Variants in PTPRZ1 observed in about 807,000 individuals in gnomAD.
PTPRZ1 encodes receptor-type tyrosine-protein phosphatase zeta.
In PTPRZ1, 82 loss-of-function variants were observed where a neutral mutation model predicts 214.1. That is an observed-to-expected ratio of 0.38 (90% CI 0.32 to 0.46). PTPRZ1 has a LOEUF of 0.46. Ranked by LOEUF, PTPRZ1 falls within the 20% of genes least tolerant of loss-of-function variation. PTPRZ1 has a pLI of 1.00. For synonymous variants in PTPRZ1, 945 were observed against 987.9 expected, an observed-to-expected ratio of 0.96 and a Z score of 0.81; for missense variants, 2,603 against 2,748.7, an observed-to-expected ratio of 0.95 and a Z score of 1.19.
intron 12 of PTPRZ1, 100 bp from the exon 13 acceptor site, chr7:122,019,024 G>A (rs1798932246): frequency 8.7e-7 from 1 of 1,149,004 alleles, no homozygotes; most frequent in African/African-American, 1.6e-5. Flanking sequence ...AAATTTTAAA[G>A]GTAAGTAACA....
rs372977594 is a variant in PTPRZ1, at chr7:121,998,051, G to T, written c.1240+45G>T. 7.3e-5 allele frequency: 115 copies of T among 1,575,472 alleles called. 1 individual carries two copies. The South Asian group carries it at 1.1e-3, about 15-fold the overall frequency. On this transcript the variant is annotated intron_variant, in intron 10 of 29. Coordinates refer to ENST00000393386, the MANE Select transcript of PTPRZ1 (RefSeq NM_002851.3). ...TCTATATATTAACTCAATAAATGAG[G>T]TTAGTTTAATTACTGTATGCATTGA...
At chr7:122,039,382 A>T in intron 19 of PTPRZ1, 72 bp from the exon 20 acceptor site, 1 of 1,520,164 alleles carries the variant, frequency 6.6e-7, no homozygotes. Context: ...TCAGACCTTT[A>T]CTGATTTCAG....
At chr7:121,988,202 T>G in intron 8 of PTPRZ1, among the ~76,000 whole-genome samples, 1 of 152,230 alleles carries the variant, frequency 6.6e-6, no homozygotes. Flanking sequence ...TAAATATTTT[T>G]TAAAAGGGGC....
At chr7:122,007,629 T>A (rs993795635) in intron 11 of PTPRZ1, among the ~76,000 whole-genome samples, 4 of 152,068 alleles carry the variant, frequency 2.6e-5, no homozygotes, top group African/African-American at 9.7e-5. Context: ...TGACTTTTAA[T>A]CCCTGAATAT....
intron 13 of PTPRZ1, among the ~76,000 whole-genome samples, chr7:122,026,108 A>G (rs1326002145): frequency 5.3e-5 from 8 of 152,182 alleles, no homozygotes; most frequent in Admixed American, 5.2e-4. Context: ...TTTGAGTACC[A>G]TTTGTAAATA....
At chr7:121,926,842 G>C (rs979702945) in intron 1 of PTPRZ1, among the ~76,000 whole-genome samples, 1 of 152,102 alleles carries the variant, frequency 6.6e-6, no homozygotes, top group African/African-American at 2.4e-5. Context: ...ATAGATTTAT[G>C]TTGAAATGTC....
At chr7:122,029,648 A>G (rs1283449887) in intron 14 of PTPRZ1, among the ~76,000 whole-genome samples, 1 of 151,948 alleles carries the variant, frequency 6.6e-6, no homozygotes, top group Admixed American at 6.6e-5. Flanking sequence ...CAAGTTCTAC[A>G]GGATGTTATC....
At chr7:121,957,822 A>G (rs1393038326) in intron 2 of PTPRZ1, among the ~76,000 whole-genome samples, 1 of 152,206 alleles carries the variant, frequency 6.6e-6, no homozygotes, top group East Asian at 1.9e-4. Flanking sequence ...AAACAGAAAT[A>G]CTAGGGCATG....
At chr7:121,947,533 C>T (rs1260497446) in intron 2 of PTPRZ1, among the ~76,000 whole-genome samples, 5 of 152,094 alleles carry the variant, frequency 3.3e-5, no homozygotes, top group Non-Finnish European at 7.4e-5. Flanking sequence ...AATTGAAAAA[C>T]AAAGATAAAT....
At chr7:122,010,240 G>T in intron 11 of PTPRZ1, 94 bp from the exon 12 acceptor site, 1 of 1,253,898 alleles carries the variant, frequency 8.0e-7, no homozygotes, top group South Asian at 1.5e-5. Flanking sequence ...AAGTTCCCAA[G>T]ATACCACAAG....
At position 122,058,829 on chromosome 7, in the gene PTPRZ1, T is replaced by A. The variant is rs939288668; in HGVS notation, c.6558T>A (p.Phe2186Leu). Reference sequence around the variant, plus strand: ...ATTATGTACTTGAAGTGAGGCACTTTCAGTGTCCTAAATGGCCAAATCCAG... The same window carrying A: ...ATTATGTACTTGAAGTGAGGCACTTACAGTGTCCTAAATGGCCAAATCCAG... ...QDDYVLEVRH[F>L]QCPKWPNPDS... Residue 2186 changes from phenylalanine (F) to leucine (L), a missense_variant, in exon 28 of 30, where the codon TTT becomes TTA. Physicochemically the swap from Phe to Leu is conservative, Grantham distance 22. Coordinates refer to ENST00000393386, the MANE Select transcript of PTPRZ1 (RefSeq NM_002851.3). 6.2e-7 allele frequency: 1 copy of A among 1,606,674 alleles called. No individual in the cohort carries two copies. Among genetic ancestry groups the A allele is most frequent in the African/African-American group, 1.3e-5 (1 of 74,820 alleles).
Position 121,996,447 on chromosome 7 carries a change from T to C in PTPRZ1, c.994T>C (p.Trp332Arg), listed in dbSNP as rs1284236614. The C allele has an allele frequency of 6.2e-7, 1 of 1,613,536 alleles. No individual in the cohort carries two copies. The highest frequency in any genetic ancestry group is 8.5e-7 in the Non-Finnish European group (1 of 1,179,638). Residue 332 changes from tryptophan (W) to arginine (R), a missense_variant, in exon 9 of 30, where the codon TGG becomes CGG. By Grantham distance (101) the Trp-to-Arg change is moderately radical. Transcript: ENST00000393386. Reference protein sequence around the residue: ...PENYTSLLVTWERPRVVYDTM... With the variant: ...PENYTSLLVTRERPRVVYDTM... ...GAATTATACCAGCCTTCTTGTTACA[T>C]GGGAAAGACCTCGAGTCGTTTATGA...
chr7:122,042,198 A>G (rs894371572), intron 21 of PTPRZ1, among the ~76,000 whole-genome samples: 13 of 152,226 alleles, frequency 8.5e-5, no homozygotes, highest in Non-Finnish European at 1.9e-4. Flanking sequence ...ACCTGGAAAC[A>G]TAGACCTAGG....
rs545321340 is a variant in PTPRZ1, at chr7:121,917,400, T to C, written c.59-10756T>C. ...TGCAGTGAGTGTCCATACTTACCCT[T>C]AAAACTAAAGAGCACTTCAGACTAA... On this transcript the variant is annotated intron_variant, in intron 1 of 29. Coordinates refer to ENST00000393386, the MANE Select transcript of PTPRZ1 (RefSeq NM_002851.3). Among the ~76,000 whole-genome samples, 3 of 152,230 alleles carry C rather than the reference T, an allele frequency of 2.0e-5. No individual in the cohort carries two copies. The South Asian group carries it at 6.2e-4, about 32-fold the overall frequency.
rs768861088 is a variant in PTPRZ1 at position 122,061,269 on chromosome 7, C to T, written c.*49C>T. ...ACATCTGAGCATTGTTTTCCTCTTC[C>T]TAAAATTAGGCAGGAAAATCAGTCT... On this transcript the variant is annotated 3_prime_UTR_variant, in exon 30 of 30. Transcript: ENST00000393386. The T allele has an allele frequency of 6.9e-7, 1 of 1,452,250 alleles. No individual in the cohort carries two copies. Among genetic ancestry groups the T allele is most frequent in the Non-Finnish European group, 9.2e-7 (1 of 1,081,244 alleles). The allele number at this position is 1,452,250 out of a possible 1,614,324, so 90.0% of individuals were successfully genotyped here. A position where few individuals can be genotyped will look rare whatever the true frequency, so the allele number is the denominator to read the frequency against.
chr7:122,012,218 T>C lies in PTPRZ1; in HGVS notation c.3172T>C (p.Ser1058Pro). 1 of 1,613,932 alleles carries C rather than the reference T, an allele frequency of 6.2e-7. No homozygotes were observed. Among genetic ancestry groups the C allele is most frequent in the Non-Finnish European group, 8.5e-7 (1 of 1,179,786 alleles). ...YGNETELQIP[S>P]FNEMVYPSES... is the part of the protein sequence containing the mutation. Reference sequence around the variant, plus strand: ...AAATGAGACTGAACTGCAAATTCCTTCTTTCAATGAGATGGTTTACCCTTC... The same window carrying C: ...AAATGAGACTGAACTGCAAATTCCTCCTTTCAATGAGATGGTTTACCCTTC... Residue 1058 changes from serine to proline, a missense_variant, in exon 12 of 30, where the codon TCT (serine) becomes CCT (proline). By Grantham distance (74) the Ser-to-Pro change is moderately conservative. Transcript: ENST00000393386.
At chr7:121,963,676 C>T (rs144696977) in intron 2 of PTPRZ1, among the ~76,000 whole-genome samples, 1 of 152,192 alleles carries the variant, frequency 6.6e-6, no homozygotes, top group African/African-American at 2.4e-5. Context: ...TCAAAATATG[C>T]ATGCTCTCTA....
chr7:121,898,926 A>G (rs1160734588), intron 1 of PTPRZ1, among the ~76,000 whole-genome samples: 1 of 152,188 alleles, frequency 6.6e-6, no homozygotes, highest in Non-Finnish European at 1.5e-5. Context: ...TGAGGAATTG[A>G]TATGAGATGA....
rs368373191 is a variant in PTPRZ1 at position 122,040,953 on chromosome 7, A to G, written c.5775A>G (p.Ala1925=). 10 of 1,582,304 alleles carry G rather than the reference A, an allele frequency of 6.3e-6. No individual in the cohort carries two copies. The highest frequency in any genetic ancestry group is 8.6e-6 in the Non-Finnish European group (10 of 1,157,342). The change falls in exon 21 of 30, where the codon GCA becomes GCG. Residue 1925 remains alanine (A), a synonymous_variant. Coordinates refer to ENST00000393386, the MANE Select transcript of PTPRZ1 (RefSeq NM_002851.3). Reference sequence around the variant, plus strand: ...AGGCAGCCTATGCCAAGCGCCATGCAGTGGGGCCTGTTGTCGTCCACTGCA... The same window carrying G: ...AGGCAGCCTATGCCAAGCGCCATGCGGTGGGGCCTGTTGTCGTCCACTGCA... ...VRKAAYAKRH[A]VGPVVVHCSA...
Sources: gnomAD v4.1 joint callset for allele counts (sites outside exome capture counted in the v4.1 genomes callset) on GRCh38, gnomAD v4.1.1 for gene constraint, MANE v1.5 for transcripts, NCBI Gene and HGNC (gene_info 2026-07-23, HGNC 2026-07-21) for gene names.